The following ZNF695 variants were observed in gnomAD, a reference collection of about 807,000 sequenced individuals.
The protein encoded by ZNF695 is zinc finger protein SBZF3.
A neutral mutation model predicts 11.2 loss-of-function variants in ZNF695; 11 were observed. The ratio of observed to expected loss-of-function variants is 0.98; its 90% CI spans 0.62 to 1.62. The LOEUF (loss-of-function observed/expected upper bound fraction) is 1.62, where lower values mean the gene tolerates loss of function less well. Ranked by LOEUF, ZNF695 falls within the 40% of genes most tolerant of loss-of-function variation. The pLI, the probability that ZNF695 is intolerant of heterozygous loss-of-function variation, is 0.00. For missense variants in ZNF695, 559 were observed against 590.5 expected (o/e 0.95, Z 0.55); for synonymous variants, 190 against 201.4 (o/e 0.94, Z 0.48).
intron 5 of ZNF695, among the ~76,000 whole-genome samples, chr1:246,954,381 G>GTAA (rs1462921365): frequency 1.1e-4 from 16 of 152,298 alleles, no homozygotes; most frequent in Non-Finnish European, 1.6e-4. Context: ...ACTGATCTTA[G>GTAA]ACTCAGCTTT....
intron 5 of ZNF695, among the ~76,000 whole-genome samples, chr1:246,955,192 T>C (rs1479113734): frequency 6.6e-6 from 1 of 152,190 alleles, no homozygotes; most frequent in African/African-American, 2.4e-5. Flanking sequence ...ACTGGATCCA[T>C]TAAACCTCTT....
chr1:246,971,164 G>C (rs369861238), intron 4 of ZNF695, among the ~76,000 whole-genome samples: 2 of 152,294 alleles, frequency 1.3e-5, no homozygotes, highest in East Asian at 1.9e-4. Flanking sequence ...AAGGTCACAC[G>C]AGTCACCTGT....
chr1:246,979,673 T>C (rs1198226765), intron 4 of ZNF695, among the ~76,000 whole-genome samples: 3 of 152,192 alleles, frequency 2.0e-5, no homozygotes, highest in African/African-American at 7.2e-5. Context: ...ATGAATATGG[T>C]TGAGAAATTT....
At chr1:246,985,201 T>A (rs1288739618), downstream of ZNF695, 1 of 698,946 alleles carries the variant, frequency 1.4e-6, no homozygotes, top group Non-Finnish European at 1.8e-6. Context: ...TATGTATTTA[T>A]CTCCATGTAA....
chr1:247,004,696 C>G (rs1269409987), intron 1 of ZNF695, among the ~76,000 whole-genome samples: 2 of 152,068 alleles, frequency 1.3e-5, no homozygotes, highest in African/African-American at 4.8e-5. Context: ...AAGACTCTAC[C>G]AAAAAACTAT....
At position 246,988,220 on chromosome 1, in the gene ZNF695, C is replaced by T; in HGVS notation, c.295G>A (p.Glu99Lys). ...TGGAATGAAACTTGCAGGCCCTGCT[C>T]TGGCAAAATGTCTTCAGTAAGATAA... ...SSYLTEDILP[E>K]QGLQVSFQKV... The change falls in exon 4 of 4, where the codon GAG becomes AAG. Residue 99 changes from glutamate to lysine, a missense_variant. Coordinates refer to ENST00000339986, the MANE Select transcript of ZNF695 (RefSeq NM_020394.5). 6.3e-7 allele frequency: 1 copy of T among 1,585,764 alleles called. No homozygotes were observed. The highest frequency in any genetic ancestry group is 8.5e-7 in the Non-Finnish European group (1 of 1,169,702).
At chr1:246,963,673 T>C (rs981710975) in intron 5 of ZNF695, among the ~76,000 whole-genome samples, 1 of 152,222 alleles carries the variant, frequency 6.6e-6, no homozygotes, top group Non-Finnish European at 1.5e-5. Context: ...ACCAACTGCT[T>C]TCTCTTCTAC....
intron 5 of ZNF695, among the ~76,000 whole-genome samples, chr1:246,952,687 C>T (rs899753299): frequency 6.6e-6 from 1 of 152,008 alleles, no homozygotes; most frequent in African/African-American, 2.4e-5. Flanking sequence ...GCTGGGACTA[C>T]AGGTGCATTC....
rs1667720325 is a variant in ZNF695, at chr1:246,945,829, T to C, written c.489-2A>G. ...AGCTCGATGGTCGACGACTGGACCC[T>C]GAAAAAAAGAAAGAAAGAAAAGCAG... On this transcript the variant is annotated splice_acceptor_variant, in intron 5 of 5. Transcript: ENST00000487338. LOFTEE classifies it high-confidence loss of function. The C allele has an allele frequency of 9.7e-6, 15 of 1,549,752 alleles. No homozygotes were observed. The highest frequency in any genetic ancestry group is 1.3e-5 in the Non-Finnish European group (15 of 1,146,794).
At chr1:246,993,561 G>A (rs988665851) in intron 3 of ZNF695, among the ~76,000 whole-genome samples, 1 of 152,020 alleles carries the variant, frequency 6.6e-6, no homozygotes, top group Non-Finnish European at 1.5e-5. Context: ...TGAAACAGGT[G>A]GCTTTTTGTT....
chr1:246,961,902 G>C (rs1000742383), intron 5 of ZNF695, among the ~76,000 whole-genome samples: 10 of 152,214 alleles, frequency 6.6e-5, no homozygotes. Context: ...TAAGGGAAAA[G>C]ATCTCAAGAA....
intron 1 of ZNF695, among the ~76,000 whole-genome samples, chr1:247,005,998 G>A (rs1210194976): frequency 1.3e-5 from 2 of 152,124 alleles, no homozygotes; most frequent in Non-Finnish European, 2.9e-5. Context: ...GGCCGAGGCG[G>A]GAGGATCACA....
At chr1:246,974,342 T>C (rs1668505503) in intron 4 of ZNF695, among the ~76,000 whole-genome samples, 1 of 152,166 alleles carries the variant, frequency 6.6e-6, no homozygotes, top group South Asian at 2.1e-4. Flanking sequence ...ATATCAGATC[T>C]CTGGTCTAGG....
chr1:246,959,732 G>A (rs1201404876), intron 5 of ZNF695, among the ~76,000 whole-genome samples: 1 of 151,544 alleles, frequency 6.6e-6, no homozygotes, highest in Non-Finnish European at 1.5e-5. Context: ...GGCCCAAAAT[G>A]GGCATATTTT....
Position 246,987,877 on chromosome 1 carries a change from T to C in ZNF695, c.638A>G (p.Gln213Arg). ...QRIHIGENPY[Q>R]CKKCGKAFNE... Reference sequence around the variant, plus strand: ...AAAGGCTTTGCCACATTTTTTACATTGGTACGGGTTCTCTCCAATATGGAT... The same window carrying C: ...AAAGGCTTTGCCACATTTTTTACATCGGTACGGGTTCTCTCCAATATGGAT... Residue 213 changes from glutamine to arginine, a missense_variant, in exon 4 of 4, where the codon CAA (glutamine) becomes CGA (arginine). Transcript: ENST00000339986. The C allele has an allele frequency of 2.5e-6, 4 of 1,608,420 alleles. No homozygotes were observed. The highest frequency in any genetic ancestry group is 1.7e-4 in the Middle Eastern group (1 of 6,014).
chr1:246,976,664 G>T (rs560297392), intron 4 of ZNF695, among the ~76,000 whole-genome samples: 2 of 151,914 alleles, frequency 1.3e-5, no homozygotes, highest in South Asian at 4.2e-4. Context: ...CATGGTGGCG[G>T]GCACCTGTAG....
At chr1:246,949,685 A>G (rs1572501299) in intron 5 of ZNF695, among the ~76,000 whole-genome samples, 1 of 152,292 alleles carries the variant, frequency 6.6e-6, no homozygotes, top group South Asian at 2.1e-4. Context: ...CAGGTTCCCA[A>G]CAGTGACTGA....
intron 5 of ZNF695, among the ~76,000 whole-genome samples, chr1:246,959,529 C>A (rs1397212630): frequency 6.6e-6 from 1 of 150,848 alleles, no homozygotes; most frequent in African/African-American, 2.4e-5. Flanking sequence ...TGGGTTCAAG[C>A]AATTCTCCTG....
intron 5 of ZNF695, among the ~76,000 whole-genome samples, chr1:246,956,097 TCTGC>T (rs1667988582): frequency 6.6e-6 from 1 of 150,640 alleles, no homozygotes; most frequent in Non-Finnish European, 1.5e-5. Flanking sequence ...CAAGCAGTTC[TCTGC>T]CTCAGCCTCC....
Sources: gnomAD v4.1 joint callset for allele counts (sites outside exome capture counted in the v4.1 genomes callset) on GRCh38, gnomAD v4.1.1 for gene constraint, MANE v1.5 for transcripts, NCBI Gene and HGNC (gene_info 2026-07-23, HGNC 2026-07-21) for gene names.